CPQ: variants seen among roughly 807,000 people sequenced by gnomAD.
CPQ encodes the protein Ser-Met dipeptidase.
CPQ carries 37 observed loss-of-function variants against 45.7 expected under a neutral mutation model. That is an observed-to-expected ratio of 0.81 (90% confidence interval 0.62 to 1.07). CPQ has a LOEUF of 1.07. CPQ is among the 50% of genes least tolerant of loss of function. The pLI, the probability that CPQ is intolerant of heterozygous loss-of-function variation, is 0.00. For missense variants in CPQ, 537 were observed against 572.9 expected, an observed-to-expected ratio of 0.94 and a Z score of 0.64; for synonymous variants, 186 against 205.8, an observed-to-expected ratio of 0.90 and a Z score of 0.82.
chr8:96,851,342 T>C lies in CPQ; in HGVS notation c.641+16162T>C, dbSNP rs982347201. Among the ~76,000 whole-genome samples, 9 of 152,198 alleles carry C rather than the reference T, an allele frequency of 5.9e-5. No individual in the cohort carries two copies. In the East Asian group the frequency reaches 1.5e-3, roughly 26 times the overall value. Reference sequence around the variant, plus strand: ...CCAATTGAGAAGTCCAGGTAGAGTATTTGGTTCATTTGTGCTGCTATAACA... The same window carrying C: ...CCAATTGAGAAGTCCAGGTAGAGTACTTGGTTCATTTGTGCTGCTATAACA... On this transcript the variant is annotated intron_variant, in intron 3 of 7. Coordinates refer to ENST00000220763, the MANE Select transcript of CPQ (RefSeq NM_016134.4).
chr8:96,782,866 G>C (rs1310772825), intron 1 of CPQ, among the ~76,000 whole-genome samples: 1 of 152,100 alleles, frequency 6.6e-6, no homozygotes, highest in Non-Finnish European at 1.5e-5. Context: ...CTCAGGCATG[G>C]ACACACTTTA....
chr8:96,940,676 G>A (rs1563534257), intron 4 of CPQ, among the ~76,000 whole-genome samples: 1 of 152,182 alleles, frequency 6.6e-6, no homozygotes, highest in African/African-American at 2.4e-5. Flanking sequence ...GTTCTACTGA[G>A]TATTTGCTAA....
intron 7 of CPQ, among the ~76,000 whole-genome samples, chr8:97,123,134 A>AAAAT (rs1563587211): frequency 3.6e-4 from 38 of 106,518 alleles, no homozygotes; most frequent in African/African-American, 1.3e-3. Context: ...TAAATAAAAT[A>AAAAT]AAATAAAATA....
At chr8:96,660,333 T>C (rs1380744300) in intron 1 of CPQ, among the ~76,000 whole-genome samples, 1 of 152,202 alleles carries the variant, frequency 6.6e-6, no homozygotes, top group African/African-American at 2.4e-5. Flanking sequence ...CCTCTTCTTA[T>C]ATGGACACCA....
intron 1 of CPQ, among the ~76,000 whole-genome samples, chr8:96,784,636 T>C (rs1242480248): frequency 6.6e-6 from 1 of 152,188 alleles, no homozygotes; most frequent in Admixed American, 6.6e-5. Context: ...TTTAGCATAT[T>C]TTAAACAGGA....
At chr8:96,876,515 A>G (rs1812146955) in intron 3 of CPQ, among the ~76,000 whole-genome samples, 2 of 152,114 alleles carry the variant, frequency 1.3e-5, no homozygotes, top group South Asian at 2.1e-4. Flanking sequence ...TTCTGATCTC[A>G]GGGGAAAAGC....
At chr8:97,013,391 C>A (rs147848234) in intron 5 of CPQ, among the ~76,000 whole-genome samples, 199 of 152,280 alleles carry the variant, frequency 1.3e-3, no homozygotes, top group African/African-American at 4.5e-3. Context: ...GCTATTGTTG[C>A]AGCTTAAAAT....
At chr8:96,948,099 C>G (rs1563535970) in intron 4 of CPQ, among the ~76,000 whole-genome samples, 1 of 151,904 alleles carries the variant, frequency 6.6e-6, no homozygotes, top group Non-Finnish European at 1.5e-5. Flanking sequence ...CCTAGAAATT[C>G]AAAGTGGTTA....
intron 1 of CPQ, among the ~76,000 whole-genome samples, chr8:96,697,348 A>G (rs988678521): frequency 3.9e-5 from 6 of 152,188 alleles, no homozygotes; most frequent in Non-Finnish European, 5.9e-5. Context: ...ACTCTGAAAA[A>G]CTGGATATAG....
At chr8:96,854,877 G>A (rs2319934) in intron 3 of CPQ, among the ~76,000 whole-genome samples, 59,539 of 152,052 alleles carry the variant, frequency 0.39, 12,171 homozygotes, top group Non-Finnish European at 0.46. Flanking sequence ...TGCAAAGGCA[G>A]GAAACATTCT....
chr8:97,123,372 GA>G (rs1444320995), intron 7 of CPQ, among the ~76,000 whole-genome samples: 2 of 149,700 alleles, frequency 1.3e-5, no homozygotes, highest in African/African-American at 2.4e-5. Flanking sequence ...GATATAATAG[GA>G]AAAAATATAT....
At chr8:96,726,722 A>G (rs181637020) in intron 1 of CPQ, among the ~76,000 whole-genome samples, 301 of 152,244 alleles carry the variant, frequency 2.0e-3, no homozygotes, top group Middle Eastern at 6.8e-3. Context: ...ACAACTGAAC[A>G]TGAGATTGGG....
intron 1 of CPQ, among the ~76,000 whole-genome samples, chr8:96,671,776 G>A (rs954471502): frequency 3.9e-5 from 6 of 152,014 alleles, no homozygotes; most frequent in South Asian, 4.1e-4. Context: ...AATATATGAA[G>A]GTTTAGCATT....
intron 7 of CPQ, among the ~76,000 whole-genome samples, chr8:97,142,070 G>C (rs143608631): frequency 0.011 from 1,687 of 152,186 alleles, 13 homozygotes; most frequent in Non-Finnish European, 0.016. Flanking sequence ...GTCATAAATG[G>C]GTTTCCAAGA....
intron 1 of CPQ, among the ~76,000 whole-genome samples, chr8:96,706,857 C>A (rs1809536454): frequency 6.6e-6 from 1 of 152,038 alleles, no homozygotes; most frequent in Non-Finnish European, 1.5e-5. Flanking sequence ...TTCAAATTTT[C>A]TATTTCTTAC....
At chr8:97,020,752 G>C (rs1335382865) in intron 5 of CPQ, among the ~76,000 whole-genome samples, 1 of 151,806 alleles carries the variant, frequency 6.6e-6, no homozygotes, top group African/African-American at 2.4e-5. Context: ...AACAAAAAAA[G>C]CCCAACACCA....
chr8:96,681,971 C>T (rs777297052), intron 1 of CPQ, among the ~76,000 whole-genome samples: 1 of 152,176 alleles, frequency 6.6e-6, no homozygotes, highest in Non-Finnish European at 1.5e-5. Context: ...AATGCTTGTA[C>T]CCCCATTGTA....
At chr8:97,138,235 C>A (rs1358141288) in intron 7 of CPQ, among the ~76,000 whole-genome samples, 1 of 152,178 alleles carries the variant, frequency 6.6e-6, no homozygotes, top group African/African-American at 2.4e-5. Context: ...AAGTTACCCC[C>A]CAGTGTCAAC....
At chr8:96,957,632 C>G (rs1813376859) in intron 4 of CPQ, among the ~76,000 whole-genome samples, 1 of 151,932 alleles carries the variant, frequency 6.6e-6, no homozygotes, top group African/African-American at 2.4e-5. Context: ...AAACCGGTAT[C>G]TACTGAGAGT....
Sources: gnomAD v4.1 joint callset for allele counts (sites outside exome capture counted in the v4.1 genomes callset) on GRCh38, gnomAD v4.1.1 for gene constraint, MANE v1.5 for transcripts, NCBI Gene and HGNC (gene_info 2026-07-23, HGNC 2026-07-21) for gene names.